Variants in LRRK1 observed in about 807,000 individuals in gnomAD.
The protein encoded by LRRK1 is leucine rich repeat kinase 1.
Under a neutral mutation model 209.1 loss-of-function variants are expected in LRRK1, and 113 were observed. The observed-to-expected ratio is 0.54, with a 90% confidence interval of 0.46 to 0.63. The LOEUF (loss-of-function observed/expected upper bound fraction) is 0.63. Ranked by LOEUF, LRRK1 falls within the 30% of genes least tolerant of loss-of-function variation. The pLI is 0.00. For missense variants in LRRK1, 2,284 were observed against 2,632.2 expected (o/e 0.87, Z 2.89); for synonymous variants, 1,144 against 1,099.7 (o/e 1.04, Z -0.80).
At chr15:101,013,234 G>C (rs2033363494) in intron 10 of LRRK1, among the ~76,000 whole-genome samples, 1 of 152,212 alleles carries the variant, frequency 6.6e-6, no homozygotes, top group Non-Finnish European at 1.5e-5. Flanking sequence ...GGAGGGGGCT[G>C]GCTGCAGCGG....
chr15:101,049,238 G>C (rs917452627), intron 22 of LRRK1, among the ~76,000 whole-genome samples: 2 of 152,246 alleles, frequency 1.3e-5, no homozygotes, highest in Non-Finnish European at 2.9e-5. Context: ...TGTGAGAGGA[G>C]AAGAAGGGAA....
chr15:100,953,748 G>A (rs1474811483), intron 2 of LRRK1, among the ~76,000 whole-genome samples: 1 of 152,026 alleles, frequency 6.6e-6, no homozygotes, highest in African/African-American at 2.4e-5. Flanking sequence ...AATTTTTTGA[G>A]GAGCCTTCAT....
At chr15:100,983,417 G>A in intron 3 of LRRK1, 111 bp from the exon 4 acceptor site, 1 of 1,024,772 alleles carries the variant, frequency 9.8e-7, no homozygotes, top group South Asian at 2.0e-5. Context: ...TGCCGTTCTG[G>A]ACAACACAAC....
chr15:100,939,666 G>A (rs2042365351), intron 2 of LRRK1, among the ~76,000 whole-genome samples: 1 of 152,220 alleles, frequency 6.6e-6, no homozygotes, highest in Admixed American at 6.5e-5. Context: ...GCAAAGTGGT[G>A]TTATTTTAAG....
At chr15:100,975,232 C>G (rs1436804437) in intron 3 of LRRK1, among the ~76,000 whole-genome samples, 1 of 152,256 alleles carries the variant, frequency 6.6e-6, no homozygotes, top group Admixed American at 6.5e-5. Context: ...GCAAACACAG[C>G]CTGGCATCCC....
intron 4 of LRRK1, 35 bp downstream of exon 4, chr15:100,983,734 C>G: frequency 6.3e-7 from 1 of 1,597,520 alleles, no homozygotes; most frequent in Non-Finnish European, 8.6e-7. Flanking sequence ...AACCGTGTCT[C>G]AGGGCACCCT....
chr15:100,997,341 A>G (rs1239830475), intron 6 of LRRK1, among the ~76,000 whole-genome samples: 2 of 152,224 alleles, frequency 1.3e-5, no homozygotes, highest in Non-Finnish European at 2.9e-5. Context: ...ATGTCAGCTG[A>G]TGATCGAATT....
At chr15:100,941,230 GTGTCTGTGTGTGTC>G (rs1285345294) in intron 2 of LRRK1, among the ~76,000 whole-genome samples, 1 of 151,008 alleles carries the variant, frequency 6.6e-6, no homozygotes, top group Non-Finnish European at 1.5e-5. Context: ...GTCTGTGTGT[GTGTCTGTGTGTGTC>G]TGTCTGTGTG....
rs1462664851 is a variant in LRRK1, at chr15:101,075,576, C to T, written c.*6728C>T. ...GAAAAGACTAAAGCCTGTTATCACT[C>T]TCCTGCTACAGCATGGCCTTTTAAA... On this transcript the variant is annotated 3_prime_UTR_variant, in exon 34 of 34. Transcript: ENST00000388948. 2 of 143,308 alleles carry T rather than the reference C, an allele frequency of 1.4e-5. No homozygotes were observed. The highest frequency in any genetic ancestry group is 2.9e-5 in the African/African-American group (1 of 33,956). The allele number at this position is 143,308 out of a possible 1,614,324, so 8.9% of individuals were successfully genotyped here. A position where few individuals can be genotyped will look rare whatever the true frequency, so the allele number is the denominator to read the frequency against.
Position 101,042,492 on chromosome 15 carries a change from C to G in LRRK1, c.2964-3489C>G, listed in dbSNP as rs564382261. On this transcript the variant is annotated intron_variant, in intron 20 of 33. Transcript: ENST00000388948. ...CTGCAGCCCAGGGGCCTCTGAGAAG[C>G]CTACTGCCCCTCCGAGAGCTCTGCC... Among the ~76,000 whole-genome samples the G allele has an allele frequency of 3.9e-5, 6 of 152,238 alleles. No individual in the cohort carries two copies. In the East Asian group the frequency reaches 1.2e-3, roughly 29 times the overall value.
intron 2 of LRRK1, among the ~76,000 whole-genome samples, chr15:100,929,452 T>C (rs1186818656): frequency 6.6e-6 from 1 of 152,246 alleles, no homozygotes; most frequent in East Asian, 1.9e-4. Context: ...TCTTGTTTTT[T>C]TCTCCTTTGG....
chr15:101,004,296 C>T (rs113918588), intron 6 of LRRK1, among the ~76,000 whole-genome samples: 6 of 152,280 alleles, frequency 3.9e-5, no homozygotes, highest in African/African-American at 1.4e-4. Context: ...GGGGGGCTGT[C>T]AGGCTGCAAA....
rs1159971427 is a variant in LRRK1, at chr15:100,973,916, C to G, written c.210C>G (p.Ala70=). The G allele has an allele frequency of 1.0e-5, 13 of 1,265,570 alleles. No individual in the cohort carries two copies. In the East Asian group the frequency reaches 3.5e-4, roughly 34 times the overall value. 78.4% of individuals were successfully genotyped at this position (1,265,570 alleles called of 1,614,324 possible). A position where few individuals can be genotyped will look rare whatever the true frequency, so the allele number is the denominator to read the frequency against. ...AAYRRGDRGG[A]RDLLEEACDQ... is the part of the protein sequence containing the mutation. ...ACAGGCGGGGAGACCGCGGCGGCGC[C>G]CGGGACCTGCTGGAGGAGGCCTGCG... The change falls in exon 3 of 34, where the codon GCC becomes GCG. Residue 70 remains alanine, a synonymous_variant. Coordinates refer to ENST00000388948, the MANE Select transcript of LRRK1 (RefSeq NM_024652.6).
At chr15:101,063,310 C>T (rs887462890) in intron 31 of LRRK1, among the ~76,000 whole-genome samples, 21 of 152,218 alleles carry the variant, frequency 1.4e-4, no homozygotes, top group African/African-American at 4.8e-4. Context: ...CCTCCAGTCC[C>T]TGCTGGGCCC....
chr15:101,063,277 A>G (rs923187135), intron 31 of LRRK1, among the ~76,000 whole-genome samples: 3 of 152,190 alleles, frequency 2.0e-5, no homozygotes, highest in Non-Finnish European at 2.9e-5. Flanking sequence ...CCTTGGGATT[A>G]GCCCCAGCCT....
rs905699262 is a variant in LRRK1 at position 101,024,620 on chromosome 15, C to T, written c.2068-183C>T. 3.9e-5 allele frequency among the ~76,000 whole-genome samples: 6 copies of T among 152,240 alleles called. No homozygotes were observed. The highest frequency in any genetic ancestry group is 1.2e-4 in the African/African-American group (5 of 41,462). On this transcript the variant is annotated intron_variant, in intron 15 of 33. Coordinates refer to ENST00000388948, the MANE Select transcript of LRRK1 (RefSeq NM_024652.6). The surrounding 1 kb of genome is among the most constrained non-coding windows in gnomAD (Gnocchi z 4.6). ...TCCCAGAAGCCCACCCCCATGCCAC[C>T]GGGCCCCTGTCCCTCGCCCAGATAA...
At chr15:100,953,033 TG>T (rs1338250806) in intron 2 of LRRK1, among the ~76,000 whole-genome samples, 6 of 152,256 alleles carry the variant, frequency 3.9e-5, no homozygotes, top group Non-Finnish European at 7.3e-5. Flanking sequence ...ATGTATATAA[TG>T]TGATTATTTG....
At chr15:100,941,400 C>CTT (rs2042418576) in intron 2 of LRRK1, among the ~76,000 whole-genome samples, 7 of 81,760 alleles carry the variant, frequency 8.6e-5, no homozygotes, top group African/African-American at 2.2e-4. Flanking sequence ...CTGTGTGTGT[C>CTT]TGTGTGTGTC....
chr15:101,058,617 C>CGTGGGGGG (rs1555479976), intron 29 of LRRK1, among the ~76,000 whole-genome samples: 3 of 75,364 alleles, frequency 4.0e-5, no homozygotes, highest in African/African-American at 2.4e-4. Flanking sequence ...GAAGGGGCAA[C>CGTGGGGGG]GGGGGGGGGC....
Sources: gnomAD v4.1 joint callset for allele counts (sites outside exome capture counted in the v4.1 genomes callset) on GRCh38, gnomAD v4.1.1 for gene constraint, Gnocchi (gnomAD v3.1) non-coding constraint, MANE v1.5 for transcripts, NCBI Gene and HGNC (gene_info 2026-07-23, HGNC 2026-07-21) for gene names.